The following GLI3 variants were observed in gnomAD, a reference collection of about 807,000 sequenced individuals.
GLI3 encodes the protein GLI family zinc finger 3, also known as transcription activator GLI3.
A neutral mutation model predicts 100.8 loss-of-function variants in GLI3; 20 were observed. The ratio of observed to expected loss-of-function variants is 0.20; its 90% CI spans 0.14 to 0.29. GLI3 has a LOEUF of 0.29. Among genes scored for constraint, GLI3 ranks in the 10% least tolerant of loss-of-function variants. The probability of loss-of-function intolerance (pLI) is 1.00; values close to 1 mark genes in which losing one functional copy is unlikely to be tolerated. For missense variants in GLI3, 2,040 were observed against 2,128.5 expected, an observed-to-expected ratio of 0.96 and a Z score of 0.82; for synonymous variants, 938 against 860.5, an observed-to-expected ratio of 1.09 and a Z score of -1.58.
At chr7:42,161,827 G>A (rs917084915) in intron 2 of GLI3, among the ~76,000 whole-genome samples, 2 of 152,186 alleles carry the variant, frequency 1.3e-5, no homozygotes, top group African/African-American at 4.8e-5. Flanking sequence ...CCTTGCTAGA[G>A]GCAGAAACAA....
intron 4 of GLI3, among the ~76,000 whole-genome samples, chr7:42,068,610 T>C (rs764584284): frequency 5.3e-5 from 8 of 152,122 alleles, no homozygotes; most frequent in Non-Finnish European, 4.4e-5. Context: ...TGATGTGTGA[T>C]TTTCCCCGGG....
At chr7:42,237,976 T>TCCGCCGCCGCCGCCGCCGCCGCCGCCG (rs1206993639), upstream of GLI3, 3 of 145,338 alleles carry the variant, frequency 2.1e-5, no homozygotes, top group African/African-American at 5.7e-5. Flanking sequence ...CTCCCCGCCC[T>TCCGCCGCCGCCGCCGCCGCCGCCGCCG]CCGCCGCCGC....
chr7:42,237,907 G>C (rs1215679669), upstream of GLI3: 1 of 147,506 alleles, frequency 6.8e-6, no homozygotes, highest in East Asian at 2.1e-4. Flanking sequence ...GCGGCGCGTC[G>C]CGGGCCGGGG....
At chr7:42,127,433 T>C (rs1378582158) in intron 3 of GLI3, among the ~76,000 whole-genome samples, 2 of 152,190 alleles carry the variant, frequency 1.3e-5, no homozygotes, top group Admixed American at 6.5e-5. Context: ...CTCAATGAGA[T>C]CTGACTTGCA....
intron 7 of GLI3, among the ~76,000 whole-genome samples, chr7:42,035,710 C>T (rs1180077783): frequency 6.6e-6 from 1 of 150,678 alleles, no homozygotes; most frequent in Non-Finnish European, 1.5e-5. Context: ...ATTTTAAACA[C>T]CTTCTCTTCC....
At chr7:41,996,263 T>C (rs1788120760) in intron 10 of GLI3, among the ~76,000 whole-genome samples, 1 of 152,168 alleles carries the variant, frequency 6.6e-6, no homozygotes, top group Non-Finnish European at 1.5e-5. Context: ...TATTGTACCA[T>C]TAAAAATTAT....
intron 3 of GLI3, among the ~76,000 whole-genome samples, chr7:42,116,806 C>T (rs565369946): frequency 2.6e-4 from 40 of 151,934 alleles, no homozygotes; most frequent in African/African-American, 7.0e-4. Flanking sequence ...ACTTTTAACA[C>T]GCCATAATTT....
intron 10 of GLI3, among the ~76,000 whole-genome samples, chr7:41,997,948 T>A (rs931307366): frequency 2.0e-5 from 3 of 152,198 alleles, no homozygotes; most frequent in African/African-American, 7.2e-5. Flanking sequence ...TTGCTCTACG[T>A]CAGAGGAGGG....
At chr7:42,124,552 G>A (rs553244546) in intron 3 of GLI3, among the ~76,000 whole-genome samples, 26 of 152,316 alleles carry the variant, frequency 1.7e-4, no homozygotes, top group East Asian at 3.9e-4. Context: ...AAAAGCGTCC[G>A]TGTACTATTA....
At chr7:42,053,824 C>T (rs1784399413) in intron 4 of GLI3, among the ~76,000 whole-genome samples, 1 of 152,180 alleles carries the variant, frequency 6.6e-6, no homozygotes, top group Admixed American at 6.5e-5. Context: ...ATTTATGTTG[C>T]AGCAAAAGAG....
chr7:42,161,062 T>C (rs971746030), intron 2 of GLI3, among the ~76,000 whole-genome samples: 15 of 152,176 alleles, frequency 9.9e-5, no homozygotes, highest in Non-Finnish European at 1.2e-4. Flanking sequence ...CACTTGAAAT[T>C]TTCCCGAGGA....
chr7:42,176,987 G>A (rs1787492876), intron 2 of GLI3, among the ~76,000 whole-genome samples: 1 of 152,212 alleles, frequency 6.6e-6, no homozygotes, highest in Non-Finnish European at 1.5e-5. Flanking sequence ...CCTTCTCACG[G>A]AGCTAAGAAG....
intron 2 of GLI3, chr7:42,172,732 C>T (rs1426897540): frequency 6.0e-6 from 4 of 669,902 alleles, no homozygotes; most frequent in Admixed American, 4.4e-5. Flanking sequence ...GAGAGTTTTC[C>T]GTGAGTAAAG....
intron 2 of GLI3, among the ~76,000 whole-genome samples, chr7:42,184,338 C>G (rs1787677246): frequency 6.6e-6 from 1 of 152,222 alleles, no homozygotes; most frequent in South Asian, 2.1e-4. Context: ...CGCAGATCTC[C>G]CTGTGGCTGC....
intron 10 of GLI3, among the ~76,000 whole-genome samples, chr7:41,999,449 C>A (rs1583773801): frequency 2.0e-5 from 3 of 152,324 alleles, no homozygotes. Flanking sequence ...TGGGGCTTCA[C>A]TGGCCACAAA....
At chr7:41,974,006 G>A (rs1787435818) in intron 12 of GLI3, among the ~76,000 whole-genome samples, 1 of 152,200 alleles carries the variant, frequency 6.6e-6, no homozygotes, top group Non-Finnish European at 1.5e-5. Context: ...ACCTTACAGT[G>A]TTCTGACACA....
intron 1 of GLI3, among the ~76,000 whole-genome samples, chr7:42,243,908 A>C (rs924356784): frequency 1.3e-5 from 2 of 152,268 alleles, no homozygotes; most frequent in East Asian, 1.9e-4. Context: ...ATCTCCACTC[A>C]CTGAAACTTC....
chr7:42,120,632 C>T (rs922852259), intron 3 of GLI3, among the ~76,000 whole-genome samples: 6 of 152,258 alleles, frequency 3.9e-5, no homozygotes, highest in African/African-American at 1.4e-4. Context: ...TGGTTCTTTT[C>T]ATTTCTTTAA....
intron 3 of GLI3, among the ~76,000 whole-genome samples, chr7:42,097,367 C>A (rs954375394): frequency 6.6e-6 from 1 of 152,162 alleles, no homozygotes; most frequent in Non-Finnish European, 1.5e-5. Flanking sequence ...GGGCAGGGGG[C>A]GGGAGATGTG....
Sources: gnomAD v4.1 joint callset for allele counts (sites outside exome capture counted in the v4.1 genomes callset) on GRCh38, gnomAD v4.1.1 for gene constraint, MANE v1.5 for transcripts, NCBI Gene and HGNC (gene_info 2026-07-23, HGNC 2026-07-21) for gene names.